Variants in EDIL3 observed in about 807,000 individuals in gnomAD.
EDIL3 encodes EGF-like repeat and discoidin I-like domain-containing protein 3.
EDIL3 carries 37 observed loss-of-function variants against 67.4 expected under a neutral mutation model. That is an observed-to-expected ratio of 0.55 (90% CI 0.42 to 0.72). The LOEUF (loss-of-function observed/expected upper bound fraction) is 0.72. Ranked by LOEUF, EDIL3 falls within the 30% of genes least tolerant of loss-of-function variation. The pLI is 0.00. For missense variants in EDIL3, 527 were observed against 586.3 expected (o/e 0.90, Z 1.04); for synonymous variants, 195 against 196.3 (o/e 0.99, Z 0.05).
At chr5:84,280,870 G>A (rs1027053089) in intron 1 of EDIL3, among the ~76,000 whole-genome samples, 1 of 143,964 alleles carries the variant, frequency 6.9e-6, no homozygotes, top group African/African-American at 2.6e-5. Flanking sequence ...AGGATTGCTT[G>A]AGCCCATGAG....
At chr5:84,316,724 A>T (rs1161432559) in intron 1 of EDIL3, among the ~76,000 whole-genome samples, 1 of 152,152 alleles carries the variant, frequency 6.6e-6, no homozygotes, top group Non-Finnish European at 1.5e-5. Flanking sequence ...TAACAAGGAT[A>T]TCCAGGGCTT....
intron 8 of EDIL3, among the ~76,000 whole-genome samples, chr5:84,064,260 A>G (rs1187591045): frequency 1.5e-5 from 2 of 136,922 alleles, no homozygotes; most frequent in East Asian, 3.8e-4. Flanking sequence ...AGACAAAGAT[A>G]AAGTTCTTAT....
intron 9 of EDIL3, among the ~76,000 whole-genome samples, chr5:84,028,762 T>C (rs1745864506): frequency 6.6e-6 from 1 of 152,084 alleles, no homozygotes; most frequent in Non-Finnish European, 1.5e-5. Flanking sequence ...TATATATATA[T>C]ACATAGATAT....
At chr5:84,162,531 C>T (rs1309585783) in intron 4 of EDIL3, among the ~76,000 whole-genome samples, 4 of 151,790 alleles carry the variant, frequency 2.6e-5, no homozygotes, top group Non-Finnish European at 5.9e-5. Flanking sequence ...CTCTTTTTTT[C>T]CTGGGACAAT....
intron 5 of EDIL3, among the ~76,000 whole-genome samples, chr5:84,112,252 G>A (rs1747578136): frequency 6.6e-6 from 1 of 152,140 alleles, no homozygotes; most frequent in Admixed American, 6.5e-5. Context: ...ACAAAACTAT[G>A]TCCAAAGAGT....
intron 1 of EDIL3, among the ~76,000 whole-genome samples, chr5:84,373,825 G>A (rs911373019): frequency 6.6e-6 from 1 of 152,114 alleles, no homozygotes; most frequent in African/African-American, 2.4e-5. Flanking sequence ...GAAACTCTGA[G>A]AAATTTAAAA....
intron 9 of EDIL3, 97 bp downstream of exon 9, chr5:84,060,203 T>C: frequency 7.2e-7 from 1 of 1,380,908 alleles, no homozygotes; most frequent in Non-Finnish European, 9.9e-7. Flanking sequence ...ACATTTAAAT[T>C]AGCGTGAAGG....
intron 5 of EDIL3, among the ~76,000 whole-genome samples, chr5:84,135,472 C>T (rs1748074412): frequency 6.6e-6 from 1 of 152,146 alleles, no homozygotes; most frequent in African/African-American, 2.4e-5. Flanking sequence ...TTTTGTTCAT[C>T]ATAATATTAA....
chr5:84,379,738 T>C (rs1748037491), intron 1 of EDIL3, among the ~76,000 whole-genome samples: 1 of 152,060 alleles, frequency 6.6e-6, no homozygotes, highest in Non-Finnish European at 1.5e-5. Context: ...AATCCTATGG[T>C]AGAAGGATTC....
chr5:83,997,276 A>G (rs779882161), intron 9 of EDIL3, among the ~76,000 whole-genome samples: 5 of 152,228 alleles, frequency 3.3e-5, no homozygotes, highest in Non-Finnish European at 7.3e-5. Flanking sequence ...GAGATCTGAT[A>G]GCAGGAAGAA....
intron 1 of EDIL3, among the ~76,000 whole-genome samples, chr5:84,344,986 A>G (rs985200904): frequency 6.6e-6 from 1 of 152,170 alleles, no homozygotes. Flanking sequence ...AATTCTTGTA[A>G]TTGCTTACAA....
chr5:84,201,702 G>A (rs1052097499), intron 3 of EDIL3, among the ~76,000 whole-genome samples: 5 of 152,066 alleles, frequency 3.3e-5, no homozygotes, highest in African/African-American at 9.7e-5. Flanking sequence ...TAAACTAAGA[G>A]TAAAACTTGA....
intron 1 of EDIL3, among the ~76,000 whole-genome samples, chr5:84,271,818 T>C (rs986630772): frequency 1.3e-5 from 2 of 152,152 alleles, no homozygotes; most frequent in East Asian, 3.9e-4. Flanking sequence ...AGGGTCAATA[T>C]AGAAACTCCT....
Position 84,296,242 on chromosome 5 carries a change from A to G in EDIL3, c.68-42030T>C, listed in dbSNP as rs915505868. Among the ~76,000 whole-genome samples the G allele has an allele frequency of 3.3e-5, 5 of 152,188 alleles. No homozygotes were observed. The South Asian group carries it at 6.2e-4, about 19-fold the overall frequency. ...GGAACCCCTCTTTCTTTCCTGTTCTATGTAGTACTTGGAGCTCCAGGCAGA... is the reference window on the plus strand; with the variant it reads ...GGAACCCCTCTTTCTTTCCTGTTCTGTGTAGTACTTGGAGCTCCAGGCAGA... On this transcript the variant is annotated intron_variant, in intron 1 of 10. Transcript: ENST00000296591.
intron 9 of EDIL3, among the ~76,000 whole-genome samples, chr5:84,040,428 G>T (rs1696038096): frequency 6.6e-6 from 1 of 151,006 alleles, no homozygotes. Flanking sequence ...CTGTTATTGT[G>T]TTACATATAT....
rs555890763 is a variant in EDIL3 at position 84,163,599 on chromosome 5, A to C, written c.355+16794T>G. Among the ~76,000 whole-genome samples, 7 of 152,220 alleles carry C rather than the reference A, an allele frequency of 4.6e-5. No individual in the cohort carries two copies. The South Asian group carries it at 1.0e-3, about 23-fold the overall frequency. On this transcript the variant is annotated intron_variant, in intron 4 of 10. Transcript: ENST00000296591. ...AAATTCATCTAATCAAACTTAAAAG[A>C]CTAATCAGTGCAACTTAAGATCAAA...
intron 1 of EDIL3, among the ~76,000 whole-genome samples, chr5:84,363,834 A>T (rs1747670796): frequency 6.6e-6 from 1 of 152,178 alleles, no homozygotes; most frequent in Non-Finnish European, 1.5e-5. Flanking sequence ...GATAAAAAAA[A>T]TTGGAGAAAT....
At chr5:84,160,075 T>C (rs1748575821) in intron 4 of EDIL3, among the ~76,000 whole-genome samples, 1 of 152,176 alleles carries the variant, frequency 6.6e-6, no homozygotes, top group Admixed American at 6.6e-5. Flanking sequence ...GATAACATAA[T>C]AGTCACATTG....
chr5:84,341,716 AT>A (rs10715605), intron 1 of EDIL3, among the ~76,000 whole-genome samples: 70,579 of 151,628 alleles, frequency 0.47, 16,501 homozygotes, highest in East Asian at 0.58. Flanking sequence ...CATTTCAACT[AT>A]TTTTTTAAAC....
Sources: gnomAD v4.1 joint callset for allele counts (sites outside exome capture counted in the v4.1 genomes callset) on GRCh38, gnomAD v4.1.1 for gene constraint, MANE v1.5 for transcripts, NCBI Gene and HGNC (gene_info 2026-07-23, HGNC 2026-07-21) for gene names.